Variants in ZDHHC15 observed in about 807,000 individuals in gnomAD.
The protein encoded by ZDHHC15 is palmitoyltransferase ZDHHC15.
ZDHHC15 carries 19 observed loss-of-function variants against 31.7 expected under a neutral mutation model. The ratio of observed to expected loss-of-function variants is 0.60; its 90% CI spans 0.42 to 0.88. The LOEUF (loss-of-function observed/expected upper bound fraction) is 0.88, where lower values mean the gene tolerates loss of function less well. Among genes scored for constraint, ZDHHC15 ranks in the 40% least tolerant of loss-of-function variants. The pLI is 0.00. For synonymous variants in ZDHHC15, 103 were observed against 90.0 expected (o/e 1.14, Z -0.82); for missense variants, 209 against 251.2 (o/e 0.83, Z 1.14).
intron 2 of ZDHHC15, among the ~76,000 whole-genome samples, chrX:75,499,510 A>G (rs1013525987): frequency 8.9e-6 from 1 of 112,150 alleles, no homozygotes; most frequent in African/African-American, 3.2e-5. Flanking sequence ...CAAATGGCCA[A>G]CAAACATGAA....
At chrX:75,390,060 T>G (rs750392233) in intron 10 of ZDHHC15, among the ~76,000 whole-genome samples, 1 of 111,273 alleles carries the variant, frequency 9.0e-6, no homozygotes, top group South Asian at 3.8e-4. Context: ...GAGTGAACAT[T>G]GCCAGTAGCC....
At chrX:75,465,248 GA>G (rs2084383497) in intron 3 of ZDHHC15, among the ~76,000 whole-genome samples, 1 of 111,685 alleles carries the variant, frequency 9.0e-6, no homozygotes. Context: ...CAGCTAACAA[GA>G]GAAGTGAAAG....
intron 3 of ZDHHC15, among the ~76,000 whole-genome samples, chrX:75,476,014 T>C (rs1452954468): frequency 9.0e-6 from 1 of 111,454 alleles, no homozygotes; most frequent in African/African-American, 3.3e-5. Flanking sequence ...TTCAGATTGT[T>C]CATTGTTAGT....
At chrX:75,402,668 T>C (rs1343630371) in intron 10 of ZDHHC15, among the ~76,000 whole-genome samples, 2 of 110,849 alleles carry the variant, frequency 1.8e-5, no homozygotes, top group Non-Finnish European at 3.8e-5. Context: ...ACATATACCC[T>C]CCTAAGGCTG....
chrX:75,455,300 A>G (rs1368441160), intron 3 of ZDHHC15, among the ~76,000 whole-genome samples: 1 of 111,827 alleles, frequency 8.9e-6, no homozygotes, highest in Non-Finnish European at 1.9e-5. Context: ...GGTGCTGGGA[A>G]AACTAGCTAG....
intron 10 of ZDHHC15, among the ~76,000 whole-genome samples, chrX:75,398,164 C>A (rs1051512004): frequency 8.9e-6 from 1 of 112,264 alleles, no homozygotes; most frequent in Non-Finnish European, 1.9e-5. Context: ...AGTCAGCTAG[C>A]AGTAGCAGCA....
intron 4 of ZDHHC15, among the ~76,000 whole-genome samples, chrX:75,445,430 A>T (rs80216438): frequency 8.9e-6 from 1 of 112,016 alleles, no homozygotes; most frequent in Non-Finnish European, 1.9e-5. Flanking sequence ...GTGACTATAT[A>T]TGATAATATT....
intron 4 of ZDHHC15, among the ~76,000 whole-genome samples, chrX:75,445,159 T>C (rs1053667920): frequency 1.8e-5 from 2 of 111,481 alleles, no homozygotes; most frequent in Non-Finnish European, 3.8e-5. Flanking sequence ...TATATACATA[T>C]ACCTCATTGT....
intron 1 of ZDHHC15, among the ~76,000 whole-genome samples, chrX:75,521,447 A>G (rs1028820004): frequency 5.4e-5 from 6 of 110,903 alleles, no homozygotes; most frequent in Admixed American, 2.9e-4. Flanking sequence ...AAGGCCAATA[A>G]TAATAAGAAT....
chrX:75,503,374 T>C lies in ZDHHC15; in HGVS notation c.163+2447A>G, dbSNP rs1251653948. ...CAAAAGTAGTCATAAGGAATTATAA[T>C]CCTGAAATATGTTATGCTTCTTAGA... On this transcript the variant is annotated intron_variant, in intron 2 of 11. Transcript: ENST00000373367. Among the ~76,000 whole-genome samples, 6 of 111,244 alleles carry C rather than the reference T, an allele frequency of 5.4e-5. No individual in the cohort carries two copies. In the East Asian group the frequency reaches 1.7e-3, roughly 31 times the overall value.
intron 11 of ZDHHC15, among the ~76,000 whole-genome samples, chrX:75,375,878 A>G (rs1156768126): frequency 1.8e-5 from 2 of 111,942 alleles, no homozygotes; most frequent in African/African-American, 3.2e-5. Context: ...ATATATGTAC[A>G]TAAGTCTTTT....
At chrX:75,464,506 CA>C (rs1167059182) in intron 3 of ZDHHC15, among the ~76,000 whole-genome samples, 1 of 110,506 alleles carries the variant, frequency 9.0e-6, no homozygotes, top group Non-Finnish European at 1.9e-5. Context: ...CTTGTTAAAA[CA>C]AAAAAAGAAA....
intron 3 of ZDHHC15, among the ~76,000 whole-genome samples, chrX:75,464,838 C>G (rs1192084790): frequency 8.9e-6 from 1 of 111,795 alleles, no homozygotes; most frequent in Non-Finnish European, 1.9e-5. Context: ...CACAAAGCCA[C>G]AGGTAATATC....
At chrX:75,461,699 G>T (rs756645068) in intron 3 of ZDHHC15, among the ~76,000 whole-genome samples, 8 of 111,840 alleles carry the variant, frequency 7.2e-5, no homozygotes, top group Non-Finnish European at 1.5e-4. Context: ...AACTGAAGGA[G>T]AAATAAGATC....
intron 10 of ZDHHC15, among the ~76,000 whole-genome samples, chrX:75,413,442 A>G (rs2083508104): frequency 9.0e-6 from 1 of 111,662 alleles, no homozygotes; most frequent in Non-Finnish European, 1.9e-5. Flanking sequence ...TACTACTGAA[A>G]CAATAAAGAA....
At chrX:75,433,011 G>T (rs2083800707) in intron 4 of ZDHHC15, among the ~76,000 whole-genome samples, 1 of 110,833 alleles carries the variant, frequency 9.0e-6, no homozygotes, top group African/African-American at 3.3e-5. Context: ...ATGTAAATCA[G>T]ATCATATCAC....
chrX:75,445,995 G>T (rs756625611), intron 4 of ZDHHC15, among the ~76,000 whole-genome samples: 4 of 110,781 alleles, frequency 3.6e-5, no homozygotes, highest in Admixed American at 2.9e-4. Flanking sequence ...TGCTTCTAAG[G>T]CCTATAATAA....
chrX:75,466,949 C>A (rs775977539), intron 3 of ZDHHC15, among the ~76,000 whole-genome samples: 5 of 110,912 alleles, frequency 4.5e-5, no homozygotes, highest in Non-Finnish European at 1.9e-5. Context: ...GGGATTCACA[C>A]CTAGGTGATG....
At chrX:75,375,732 A>T (rs2083053077) in intron 11 of ZDHHC15, among the ~76,000 whole-genome samples, 1 of 111,898 alleles carries the variant, frequency 8.9e-6, no homozygotes, top group African/African-American at 3.2e-5. Flanking sequence ...GCAGAAAAGG[A>T]TAAGATTTCA....
Sources: gnomAD v4.1 joint callset for allele counts (sites outside exome capture counted in the v4.1 genomes callset) on GRCh38, gnomAD v4.1.1 for gene constraint, MANE v1.5 for transcripts, NCBI Gene and HGNC (gene_info 2026-07-23, HGNC 2026-07-21) for gene names.